The following RSPO2 variants were observed in gnomAD, a reference collection of about 807,000 sequenced individuals.
RSPO2 encodes R-spondin-2.
Under a neutral mutation model 30.9 loss-of-function variants are expected in RSPO2, and 14 were observed. That is an observed-to-expected ratio of 0.45 (90% CI 0.30 to 0.71). The LOEUF (loss-of-function observed/expected upper bound fraction) is 0.71, where lower values mean the gene tolerates loss of function less well. RSPO2 is among the 30% of genes least tolerant of loss of function. The pLI, the probability that RSPO2 is intolerant of heterozygous loss-of-function variation, is 0.08. For synonymous variants in RSPO2, 107 were observed against 96.4 expected (o/e 1.11, Z -0.64); for missense variants, 264 against 301.9 (o/e 0.87, Z 0.93).
At chr8:107,918,098 GAACT>G (rs766638807) in intron 5 of RSPO2, among the ~76,000 whole-genome samples, 8 of 152,260 alleles carry the variant, frequency 5.3e-5, no homozygotes, top group Non-Finnish European at 8.8e-5. Context: ...TGAATGGACT[GAACT>G]AATAGACAAG....
chr8:108,015,301 T>G (rs1810849613), intron 2 of RSPO2, among the ~76,000 whole-genome samples: 1 of 152,168 alleles, frequency 6.6e-6, no homozygotes, highest in Non-Finnish European at 1.5e-5. Context: ...TATGTAAATG[T>G]CAATAGTACT....
At chr8:108,056,812 T>A (rs1383547437) in intron 2 of RSPO2, among the ~76,000 whole-genome samples, 1 of 151,308 alleles carries the variant, frequency 6.6e-6, no homozygotes, top group East Asian at 1.9e-4. Flanking sequence ...TCCTAGCACT[T>A]TGGGAGGCCA....
intron 2 of RSPO2, among the ~76,000 whole-genome samples, chr8:108,069,653 T>C (rs1253255690): frequency 3.3e-5 from 5 of 152,222 alleles, no homozygotes; most frequent in African/African-American, 9.7e-5. Context: ...CTTCATATTA[T>C]GCAAAAGTGT....
chr8:107,919,805 G>T (rs894744549), intron 5 of RSPO2, among the ~76,000 whole-genome samples: 1 of 152,104 alleles, frequency 6.6e-6, no homozygotes, highest in South Asian at 2.1e-4. Flanking sequence ...ACTGGTTTGA[G>T]TAATAATAAA....
intron 3 of RSPO2, among the ~76,000 whole-genome samples, chr8:107,966,647 G>C (rs1368688850): frequency 3.3e-5 from 5 of 152,102 alleles, no homozygotes; most frequent in African/African-American, 1.2e-4. Flanking sequence ...CTCTTCCTTT[G>C]GTCTCAACAG....
intron 2 of RSPO2, among the ~76,000 whole-genome samples, chr8:108,046,586 CT>C (rs1485066880): frequency 6.6e-6 from 1 of 151,946 alleles, no homozygotes; most frequent in Non-Finnish European, 1.5e-5. Flanking sequence ...AAACTTTTTT[CT>C]TGGCCTGAAA....
intron 5 of RSPO2, among the ~76,000 whole-genome samples, chr8:107,945,608 A>G (rs1312343182): frequency 6.6e-6 from 1 of 152,036 alleles, no homozygotes; most frequent in East Asian, 1.9e-4. Flanking sequence ...TAACACATGC[A>G]TTGTTTCAAC....
chr8:108,029,764 G>A (rs551503197), intron 2 of RSPO2, among the ~76,000 whole-genome samples: 25 of 152,324 alleles, frequency 1.6e-4, no homozygotes, highest in African/African-American at 5.3e-4. Context: ...TTCCTTAGTG[G>A]ATGAGAAGAG....
rs200202092 is a variant in RSPO2, at chr8:107,958,291, G to GA, written c.428-24dup. 3,352 of 1,519,996 alleles carry GA rather than the reference G, an allele frequency of 2.2e-3. 1 individual carries two copies. Among genetic ancestry groups the GA allele is most frequent in the Non-Finnish European group, 2.5e-3 (2,778 of 1,118,296 alleles). 94.2% of individuals were successfully genotyped at this position (1,519,996 alleles called of 1,614,324 possible). ...CTTCTAGTAAAGATTTTTAGAAAAA[G>GA]AAAAAAAAACACAAGCACATAAGTT... On this transcript the variant is annotated intron_variant, in intron 4 of 5. Coordinates refer to ENST00000276659, the MANE Select transcript of RSPO2 (RefSeq NM_178565.5).
intron 2 of RSPO2, among the ~76,000 whole-genome samples, chr8:108,065,571 T>A (rs1430796229): frequency 1.3e-5 from 2 of 151,828 alleles, no homozygotes; most frequent in Non-Finnish European, 2.9e-5. Flanking sequence ...ATAGTAATGA[T>A]TCAAAGCAAT....
chr8:108,021,029 C>G (rs1811044472), intron 2 of RSPO2, among the ~76,000 whole-genome samples: 1 of 152,136 alleles, frequency 6.6e-6, no homozygotes, highest in Admixed American at 6.5e-5. Flanking sequence ...CAAGTTTTAG[C>G]ACATACTTTT....
chr8:108,017,337 G>T lies in RSPO2; in HGVS notation c.95-28093C>A, dbSNP rs140176348. Reference sequence around the variant, plus strand: ...TGGCCAGATATTTCTTTACAGCAGTGCAAGAATGGCCTAATACAATGGTTA... The same window carrying T: ...TGGCCAGATATTTCTTTACAGCAGTTCAAGAATGGCCTAATACAATGGTTA... On this transcript the variant is annotated intron_variant, in intron 2 of 5. Transcript: ENST00000276659. Among the ~76,000 whole-genome samples the T allele has an allele frequency of 1.2e-3, 185 of 152,138 alleles. 1 individual carries two copies. The East Asian group carries it at 0.026, about 21-fold the overall frequency.
At chr8:107,925,148 G>T (rs903725279) in intron 5 of RSPO2, among the ~76,000 whole-genome samples, 31 of 151,824 alleles carry the variant, frequency 2.0e-4, no homozygotes, top group African/African-American at 7.5e-4. Flanking sequence ...TTGGCAGGGG[G>T]TTAAGGTTGA....
chr8:108,049,649 C>T (rs1198541628), intron 2 of RSPO2, among the ~76,000 whole-genome samples: 3 of 151,838 alleles, frequency 2.0e-5, no homozygotes, highest in African/African-American at 4.8e-5. Flanking sequence ...TGAGAACATG[C>T]GGTGTTTGGT....
chr8:107,904,246 T>C (rs1239416995), intron 5 of RSPO2, among the ~76,000 whole-genome samples: 1 of 151,952 alleles, frequency 6.6e-6, no homozygotes, highest in Admixed American at 6.6e-5. Flanking sequence ...ACGGGAAGTA[T>C]TTAAAGGCAA....
chr8:108,070,719 A>C (rs2130723858), intron 2 of RSPO2, among the ~76,000 whole-genome samples: 1 of 152,266 alleles, frequency 6.6e-6, no homozygotes, highest in Middle Eastern at 3.4e-3. Flanking sequence ...ACAGTGTGAA[A>C]GGTCCTTAGA....
intron 3 of RSPO2, among the ~76,000 whole-genome samples, chr8:107,965,738 T>C (rs1271084460): frequency 6.6e-6 from 1 of 152,180 alleles, no homozygotes; most frequent in Non-Finnish European, 1.5e-5. Flanking sequence ...ATGAATGCCA[T>C]TCAAAAATTC....
At position 108,003,297 on chromosome 8, in the gene RSPO2, ATATATATATATATATTTTTTTTTTTT is replaced by A. The variant is rs1215624971; in HGVS notation, c.95-14079_95-14054del. ...TGTGTGTATATATATATATATATAT[ATATATATATATATATTTTTTTTTTTT>A]TTTTTTTTTTTTTTAAGTAGAGACG... On this transcript the variant is annotated intron_variant, in intron 2 of 5. Transcript: ENST00000276659. Among the ~76,000 whole-genome samples the A allele has an allele frequency of 7.1e-3, 165 of 23,320 alleles. 3 individuals carry two copies. The highest frequency in any genetic ancestry group is 0.012 in the African/African-American group (60 of 5,034). 15.3% of individuals were successfully genotyped at this position (23,320 alleles called of 152,430 possible).
intron 5 of RSPO2, among the ~76,000 whole-genome samples, chr8:107,927,749 A>C (rs1197802304): frequency 6.6e-6 from 1 of 152,164 alleles, no homozygotes; most frequent in Admixed American, 6.6e-5. Flanking sequence ...GATGAATCCC[A>C]CTTGATCATG....
Sources: gnomAD v4.1 joint callset for allele counts (sites outside exome capture counted in the v4.1 genomes callset) on GRCh38, gnomAD v4.1.1 for gene constraint, MANE v1.5 for transcripts, NCBI Gene and HGNC (gene_info 2026-07-23, HGNC 2026-07-21) for gene names.